The following FOXP2 variants were observed in gnomAD, a reference collection of about 807,000 sequenced individuals.
FOXP2 encodes the protein forkhead box P2.
FOXP2 carries 12 observed loss-of-function variants against 115.8 expected under a neutral mutation model. That is an observed-to-expected ratio of 0.10 (90% CI 0.07 to 0.17). The LOEUF is 0.17. Ranked by LOEUF, FOXP2 falls within the 10% of genes least tolerant of loss-of-function variation. FOXP2 has a pLI of 1.00. For synonymous variants in FOXP2, 328 were observed against 297.7 expected, an observed-to-expected ratio of 1.10 and a Z score of -1.05; for missense variants, 629 against 843.5, an observed-to-expected ratio of 0.75 and a Z score of 3.15.
At chr7:114,493,645 C>T (rs951077041) in intron 2 of FOXP2, among the ~76,000 whole-genome samples, 2 of 151,964 alleles carry the variant, frequency 1.3e-5, no homozygotes, top group Admixed American at 6.6e-5. Context: ...CTCACACGCA[C>T]CCACACACAC....
intron 2 of FOXP2, among the ~76,000 whole-genome samples, chr7:114,344,637 T>C (rs1791297103): frequency 6.6e-6 from 1 of 151,862 alleles, no homozygotes; most frequent in African/African-American, 2.4e-5. Context: ...AGACATATTT[T>C]CTTAAGAGAT....
chr7:114,237,328 T>A (rs1795036006), intron 1 of FOXP2, among the ~76,000 whole-genome samples: 1 of 152,162 alleles, frequency 6.6e-6, no homozygotes, highest in Non-Finnish European at 1.5e-5. Context: ...TTAATATTAC[T>A]CATTTCAAAA....
intron 1 of FOXP2, among the ~76,000 whole-genome samples, chr7:114,251,544 A>G (rs1298252634): frequency 3.9e-5 from 6 of 152,052 alleles, no homozygotes; most frequent in Non-Finnish European, 5.9e-5. Flanking sequence ...TGGGTATTTT[A>G]TTCTCTTTGA....
chr7:114,337,295 A>G (rs1180104539), intron 2 of FOXP2, among the ~76,000 whole-genome samples: 1 of 151,444 alleles, frequency 6.6e-6, no homozygotes, highest in Non-Finnish European at 1.5e-5. Context: ...CGTAGCAGGT[A>G]TGAATCAAAG....
chr7:114,449,690 G>C (rs1234241695), intron 2 of FOXP2, among the ~76,000 whole-genome samples: 1 of 152,034 alleles, frequency 6.6e-6, no homozygotes, highest in African/African-American at 2.4e-5. Flanking sequence ...AATGATATAA[G>C]TAATTCACTT....
chr7:114,532,893 T>C (rs1319609639), intron 2 of FOXP2, among the ~76,000 whole-genome samples: 1 of 151,918 alleles, frequency 6.6e-6, no homozygotes, highest in Non-Finnish European at 1.5e-5. Flanking sequence ...AATTATCATT[T>C]GTAGTCACTT....
intron 1 of FOXP2, among the ~76,000 whole-genome samples, chr7:114,188,552 T>C (rs967848014): frequency 6.6e-6 from 1 of 152,034 alleles, no homozygotes; most frequent in Non-Finnish European, 1.5e-5. Flanking sequence ...TCCTCAATCC[T>C]TTTTTTTATA....
chr7:114,148,398 A>G (rs981630954), intron 1 of FOXP2, among the ~76,000 whole-genome samples: 1 of 151,956 alleles, frequency 6.6e-6, no homozygotes, highest in African/African-American at 2.4e-5. Flanking sequence ...GTATTTTTCC[A>G]ACGTTTGGCT....
chr7:114,321,034 C>G (rs1038055459), intron 2 of FOXP2, among the ~76,000 whole-genome samples: 6 of 152,060 alleles, frequency 3.9e-5, no homozygotes, highest in African/African-American at 1.4e-4. Context: ...CTTTTCCAGA[C>G]AAGGAAAGAT....
Position 114,663,455 on chromosome 7 carries a change from C to T in FOXP2, c.1775C>T (p.Pro592Leu), listed in dbSNP as rs1806992294. 6.2e-7 allele frequency: 1 copy of T among 1,605,352 alleles called. No homozygotes were observed. The highest frequency in any genetic ancestry group is 1.7e-5 in the Admixed American group (1 of 59,588). ...KRRSQKITGSPTLVKNIPTSL... is the reference protein window; with the variant it reads ...KRRSQKITGSLTLVKNIPTSL... ...TTATATATTTTTTTTTTCAGAAGTCCAACCTTAGTAAAAAATATACCTACC... is the reference window on the plus strand; with the variant it reads ...TTATATATTTTTTTTTTCAGAAGTCTAACCTTAGTAAAAAATATACCTACC... Residue 592 changes from proline (P) to leucine (L), a missense_variant, in exon 15 of 17, where the codon CCA (proline) becomes CTA (leucine). Around this residue, in one of 9 missense-constraint regions of FOXP2, gnomAD observed 40 missense variants for 75.3 expected, o/e 0.53. Coordinates refer to ENST00000350908, the MANE Select transcript of FOXP2 (RefSeq NM_014491.4).
chr7:114,404,495 C>T (rs1792984016), intron 2 of FOXP2, among the ~76,000 whole-genome samples: 1 of 152,052 alleles, frequency 6.6e-6, no homozygotes, highest in African/African-American at 2.4e-5. Flanking sequence ...TAAACCTATT[C>T]TCCTTCAGCT....
chr7:114,643,570 G>C (rs1415902508), intron 7 of FOXP2, among the ~76,000 whole-genome samples: 1 of 151,916 alleles, frequency 6.6e-6, no homozygotes, highest in Non-Finnish European at 1.5e-5. Flanking sequence ...TAATTTTTTT[G>C]ATAATTTTTA....
chr7:114,094,426 A>G (rs1437701800), intron 1 of FOXP2, among the ~76,000 whole-genome samples: 1 of 152,212 alleles, frequency 6.6e-6, no homozygotes, highest in African/African-American at 2.4e-5. Context: ...ATTTTATTCT[A>G]AACGTCTTGA....
At chr7:114,098,350 A>T (rs1274707143) in intron 1 of FOXP2, among the ~76,000 whole-genome samples, 1 of 152,212 alleles carries the variant, frequency 6.6e-6, no homozygotes, top group Non-Finnish European at 1.5e-5. Context: ...TGTGGTAATC[A>T]AAACAGTATA....
At chr7:114,197,137 G>A (rs1462019671) in intron 1 of FOXP2, among the ~76,000 whole-genome samples, 2 of 152,144 alleles carry the variant, frequency 1.3e-5, no homozygotes, top group Admixed American at 6.5e-5. Flanking sequence ...GGTTGAGGCT[G>A]CAGTGAACTG....
At chr7:114,310,107 C>T (rs868533702) in intron 2 of FOXP2, among the ~76,000 whole-genome samples, 2 of 152,148 alleles carry the variant, frequency 1.3e-5, no homozygotes, top group South Asian at 4.1e-4. Flanking sequence ...GAGTTATGCC[C>T]ATCGAGCTGA....
chr7:114,271,719 T>G (rs1346316315), intron 1 of FOXP2, among the ~76,000 whole-genome samples: 15 of 117,462 alleles, frequency 1.3e-4, no homozygotes, highest in African/African-American at 5.2e-4. Context: ...TTAATACATA[T>G]GTATTAAATA....
At chr7:114,502,538 C>G (rs1280134307) in intron 2 of FOXP2, among the ~76,000 whole-genome samples, 1 of 152,052 alleles carries the variant, frequency 6.6e-6, no homozygotes, top group African/African-American at 2.4e-5. Context: ...TAACATGGCA[C>G]TCTTCACTGT....
chr7:114,169,283 G>T (rs1334380215), intron 1 of FOXP2, among the ~76,000 whole-genome samples: 1 of 152,220 alleles, frequency 6.6e-6, no homozygotes, highest in Non-Finnish European at 1.5e-5. Flanking sequence ...AGCCGGGAGG[G>T]AGGCTGTACC....
Sources: allele counts gnomAD v4.1 joint callset (sites outside exome capture counted in the v4.1 genomes callset), GRCh38; gene constraint gnomAD v4.1.1; regional missense constraint gnomAD v4.1.1; transcripts MANE v1.5; gene names NCBI Gene and HGNC (gene_info 2026-07-23, HGNC 2026-07-21).